Variants in FBXL17 observed in about 807,000 individuals in gnomAD.
FBXL17 encodes the protein F-box/LRR-repeat protein 17.
A neutral mutation model predicts 66.2 loss-of-function variants in FBXL17; 22 were observed. That is an observed-to-expected ratio of 0.33 (90% CI 0.24 to 0.47). FBXL17 has a LOEUF of 0.47. Among genes scored for constraint, FBXL17 ranks in the 20% least tolerant of loss-of-function variants. The pLI, the probability that FBXL17 is intolerant of heterozygous loss-of-function variation, is 1.00. For synonymous variants in FBXL17, 474 were observed against 400.5 expected, an observed-to-expected ratio of 1.18 and a Z score of -2.19; for missense variants, 878 against 948.2, an observed-to-expected ratio of 0.93 and a Z score of 0.97.
intron 6 of FBXL17, among the ~76,000 whole-genome samples, chr5:108,102,523 T>C (rs1274303842): frequency 1.3e-5 from 2 of 152,124 alleles, no homozygotes; most frequent in East Asian, 3.9e-4. Context: ...ACAATGAAAA[T>C]AATGCCTACA....
chr5:108,052,157 T>C (rs1197653107), intron 6 of FBXL17, among the ~76,000 whole-genome samples: 5 of 147,928 alleles, frequency 3.4e-5, no homozygotes, highest in African/African-American at 5.0e-5. Flanking sequence ...AAGACAAGAA[T>C]GCCCTCTCTC....
intron 7 of FBXL17, among the ~76,000 whole-genome samples, chr5:107,965,660 A>T (rs767454060): frequency 3.9e-5 from 6 of 152,332 alleles, no homozygotes; most frequent in African/African-American, 7.2e-5. Context: ...GTTTTTAAAC[A>T]TACCCTGTTC....
chr5:108,096,991 T>C (rs1749393391), intron 6 of FBXL17, among the ~76,000 whole-genome samples: 1 of 152,186 alleles, frequency 6.6e-6, no homozygotes, highest in Admixed American at 6.5e-5. Context: ...GTTATACATA[T>C]ATTAATATGG....
chr5:108,037,443 G>T (rs2112796282), intron 6 of FBXL17, among the ~76,000 whole-genome samples: 1 of 152,292 alleles, frequency 6.6e-6, no homozygotes, highest in Non-Finnish European at 1.5e-5. Flanking sequence ...GAAGGTAGAT[G>T]AGGTAAACAA....
At chr5:108,336,852 A>C (rs1760406867) in intron 4 of FBXL17, among the ~76,000 whole-genome samples, 1 of 152,176 alleles carries the variant, frequency 6.6e-6, no homozygotes, top group Admixed American at 6.5e-5. Flanking sequence ...ATTGAATTTT[A>C]CGTCCTAAAA....
At chr5:108,271,796 C>T (rs1757279575) in intron 4 of FBXL17, among the ~76,000 whole-genome samples, 4 of 152,118 alleles carry the variant, frequency 2.6e-5, no homozygotes, top group Admixed American at 2.0e-4. Flanking sequence ...AGGGAGGAAG[C>T]GTTAAGAATT....
chr5:108,350,704 C>G (rs1212838481), intron 3 of FBXL17, among the ~76,000 whole-genome samples: 1 of 152,166 alleles, frequency 6.6e-6, no homozygotes, highest in Non-Finnish European at 1.5e-5. Context: ...TAAATTATTT[C>G]TAACCCAGAA....
At chr5:108,242,146 G>A (rs1003913460) in intron 4 of FBXL17, among the ~76,000 whole-genome samples, 1 of 152,208 alleles carries the variant, frequency 6.6e-6, no homozygotes, top group Non-Finnish European at 1.5e-5. Context: ...TAATTGTGGT[G>A]TGTAAACTAC....
intron 6 of FBXL17, among the ~76,000 whole-genome samples, chr5:108,159,301 A>G (rs1022077498): frequency 6.6e-6 from 1 of 152,216 alleles, no homozygotes; most frequent in African/African-American, 2.4e-5. Context: ...CAATTTAGGA[A>G]GACAACCTTT....
intron 4 of FBXL17, among the ~76,000 whole-genome samples, chr5:108,267,948 TATAATG>T (rs1757113760): frequency 6.6e-6 from 1 of 152,118 alleles, no homozygotes; most frequent in South Asian, 2.1e-4. Flanking sequence ...TCTGTTTATT[TATAATG>T]ATAAACAGGG....
At chr5:108,242,349 TTTGTTGTTG>T (rs70996988) in intron 4 of FBXL17, among the ~76,000 whole-genome samples, 36,195 of 146,706 alleles carry the variant, frequency 0.25, 4,853 homozygotes, top group East Asian at 0.5. Flanking sequence ...GCCTGGCTAG[TTTGTTGTTG>T]TTGTTGTTGT....
intron 7 of FBXL17, among the ~76,000 whole-genome samples, chr5:107,935,552 A>G (rs1420981316): frequency 6.6e-6 from 1 of 152,076 alleles, no homozygotes; most frequent in Non-Finnish European, 1.5e-5. Context: ...AAAGAAGACG[A>G]ATGTGCTTTC....
At chr5:108,255,029 T>C (rs983869761) in intron 4 of FBXL17, among the ~76,000 whole-genome samples, 3 of 152,142 alleles carry the variant, frequency 2.0e-5, no homozygotes, top group African/African-American at 4.8e-5. Context: ...TACAACTTGA[T>C]GGAAAAGAGC....
chr5:108,379,243 AAC>A (rs1194344094), intron 1 of FBXL17, among the ~76,000 whole-genome samples: 3 of 152,178 alleles, frequency 2.0e-5, no homozygotes, highest in African/African-American at 7.2e-5. Flanking sequence ...TTCATTTTGA[AAC>A]AGTCTTATTT....
intron 4 of FBXL17, among the ~76,000 whole-genome samples, chr5:108,288,590 A>G (rs1757993989): frequency 6.6e-6 from 1 of 152,068 alleles, no homozygotes; most frequent in Admixed American, 6.6e-5. Context: ...ATATAAATAT[A>G]TTGGAAGGAT....
chr5:108,038,560 T>A (rs969308829), intron 6 of FBXL17, among the ~76,000 whole-genome samples: 2 of 152,108 alleles, frequency 1.3e-5, no homozygotes, highest in Non-Finnish European at 2.9e-5. Flanking sequence ...TCTTGTGGAT[T>A]TAACATTTCT....
At chr5:108,157,280 AAGACTTTTCCATTGCAAATAATTCATTT>A (rs1413720231) in intron 6 of FBXL17, among the ~76,000 whole-genome samples, 3 of 151,866 alleles carry the variant, frequency 2.0e-5, no homozygotes, top group Non-Finnish European at 4.4e-5. Context: ...TTCTGTCCAA[AAGACTTTTCCATTGCAAATAATTCATTT>A]CCTTTGACAA....
chr5:107,977,175 A>G (rs543605204), intron 7 of FBXL17, among the ~76,000 whole-genome samples: 2 of 152,308 alleles, frequency 1.3e-5, no homozygotes, highest in East Asian at 3.9e-4. Context: ...TTAACAAAGA[A>G]CTGTTTAGTT....
intron 6 of FBXL17, among the ~76,000 whole-genome samples, chr5:108,091,874 A>C (rs774729181): frequency 6.6e-6 from 1 of 152,222 alleles, no homozygotes; most frequent in Non-Finnish European, 1.5e-5. Flanking sequence ...TAATCTTTAC[A>C]TTATGTTGTA....
Sources: gnomAD v4.1 joint callset for allele counts (sites outside exome capture counted in the v4.1 genomes callset) on GRCh38, gnomAD v4.1.1 for gene constraint, MANE v1.5 for transcripts, NCBI Gene and HGNC (gene_info 2026-07-23, HGNC 2026-07-21) for gene names.